The following MTM1 variants were observed in gnomAD, a reference collection of about 807,000 sequenced individuals.
MTM1 encodes myotubularin 1, also known as myotubularin.
MTM1 carries 9 observed loss-of-function variants against 52.1 expected under a neutral mutation model. The observed-to-expected ratio is 0.17, with a 90% CI of 0.10 to 0.30. The LOEUF (loss-of-function observed/expected upper bound fraction) is 0.30, where lower values mean the gene tolerates loss of function less well. Ranked by LOEUF, MTM1 falls within the 10% of genes least tolerant of loss-of-function variation. The pLI is 1.00. For synonymous variants in MTM1, 136 were observed against 163.8 expected, an observed-to-expected ratio of 0.83 and a Z score of 1.29; for missense variants, 277 against 470.7, an observed-to-expected ratio of 0.59 and a Z score of 3.81.
chrX:150,609,679 C>A (rs1230375191), intron 4 of MTM1, among the ~76,000 whole-genome samples: 1 of 111,515 alleles, frequency 9.0e-6, no homozygotes, highest in Non-Finnish European at 1.9e-5. Flanking sequence ...GGTGGTACCA[C>A]CACTATTTAT....
intron 13 of MTM1, among the ~76,000 whole-genome samples, chrX:150,661,658 G>A (rs2040223582): frequency 9.0e-6 from 1 of 111,653 alleles, no homozygotes; most frequent in Admixed American, 9.5e-5. Context: ...AGGACATTAT[G>A]CTAAGCGAAA....
At chrX:150,625,275 G>A (rs1287755355) in intron 6 of MTM1, among the ~76,000 whole-genome samples, 5 of 111,887 alleles carry the variant, frequency 4.5e-5, no homozygotes, top group African/African-American at 1.3e-4. Flanking sequence ...AAGTGCTTAC[G>A]ACGCTGCCTG....
At chrX:150,634,652 A>T (rs1557413659) in intron 6 of MTM1, among the ~76,000 whole-genome samples, 2 of 111,370 alleles carry the variant, frequency 1.8e-5, no homozygotes, top group Non-Finnish European at 3.8e-5. Flanking sequence ...ACTAGTACGG[A>T]TCTAGTGAAT....
chrX:150,647,944 CT>C (rs1476531083), intron 9 of MTM1, among the ~76,000 whole-genome samples: 4 of 111,720 alleles, frequency 3.6e-5, no homozygotes, highest in African/African-American at 1.3e-4. Flanking sequence ...TATATTTTTC[CT>C]TTTATTTTTT....
intron 1 of MTM1, among the ~76,000 whole-genome samples, chrX:150,583,347 AATT>A (rs2038647336): frequency 2.2e-5 from 1 of 46,041 alleles, no homozygotes; most frequent in Non-Finnish European, 3.4e-5. Flanking sequence ...TATTATATAT[AATT>A]ATAAATATAT....
chrX:150,583,397 A>AT (rs2038655889), intron 1 of MTM1, among the ~76,000 whole-genome samples: 1 of 33,796 alleles, frequency 3.0e-5, no homozygotes, highest in African/African-American at 1.2e-4. Context: ...TAATATATAT[A>AT]AATTATATAT....
chrX:150,621,908 CT>C (rs1195900319), intron 6 of MTM1, among the ~76,000 whole-genome samples: 1 of 111,951 alleles, frequency 8.9e-6, no homozygotes, highest in Non-Finnish European at 1.9e-5. Flanking sequence ...ATTTCTCTCT[CT>C]ACTGTCAGCA....
intron 1 of MTM1, 75 bp from the exon 2 acceptor site, chrX:150,592,530 T>A (rs975014811): frequency 1.4e-5 from 11 of 783,714 alleles, no homozygotes; most frequent in Non-Finnish European, 2.2e-5. Context: ...GTTGCCATAT[T>A]TAAGTCTCAG....
chrX:150,591,152 C>A, intron 1 of MTM1: 1 of 310,353 alleles, frequency 3.2e-6, no homozygotes, highest in Non-Finnish European at 4.3e-6. Flanking sequence ...ATTGTGCTAC[C>A]TGTAGGTAGT....
intron 4 of MTM1, among the ~76,000 whole-genome samples, chrX:150,602,393 C>T (rs1557412758): frequency 8.9e-6 from 1 of 112,207 alleles, no homozygotes; most frequent in Admixed American, 9.4e-5. Flanking sequence ...GTGGTCTTAT[C>T]AAATGCTGAG....
At chrX:150,585,115 G>A (rs1013333344) in intron 1 of MTM1, among the ~76,000 whole-genome samples, 1 of 110,080 alleles carries the variant, frequency 9.1e-6, no homozygotes, top group Non-Finnish European at 1.9e-5. Flanking sequence ...ATGTGTGTGT[G>A]GGGGGAGGTC....
At chrX:150,620,835 C>T (rs1431151324) in intron 6 of MTM1, among the ~76,000 whole-genome samples, 1 of 111,365 alleles carries the variant, frequency 9.0e-6, no homozygotes, top group Non-Finnish European at 1.9e-5. Context: ...ATCATGAGCT[C>T]ATCTGGCGCA....
intron 13 of MTM1, among the ~76,000 whole-genome samples, chrX:150,662,953 G>A (rs2040248296): frequency 8.9e-6 from 1 of 112,075 alleles, no homozygotes; most frequent in Admixed American, 9.4e-5. Flanking sequence ...ACATGATGTA[G>A]ATTAAACATC....
chrX:150,663,682 T>C (rs2040261412), intron 14 of MTM1, 73 bp downstream of exon 14: 1 of 968,683 alleles, frequency 1.0e-6, no homozygotes, highest in African/African-American at 1.9e-5. Flanking sequence ...TGGTATGGAT[T>C]TTTTTTAACA....
Position 150,649,862 on chromosome X carries a change from G to T in MTM1, c.1014G>T (p.Leu338Phe). 8.3e-7 allele frequency: 1 copy of T among 1,209,158 alleles called. No individual in the cohort carries two copies. Reference sequence around the variant, plus strand: ...CTAATGTAGAAGAATCTCATTGGTTGTCCAGTTTGGAGTCTACTCATTGGT... The same window carrying T: ...CTAATGTAGAAGAATCTCATTGGTTTTCCAGTTTGGAGTCTACTCATTGGT... The part of the protein sequence containing the change: ...VYPNVEESHW[L>F]SSLESTHWLE... The change falls in exon 10 of 15, where the codon TTG becomes TTT. Residue 338 changes from leucine (L) to phenylalanine (F), a missense_variant. Transcript: ENST00000370396.
At chrX:150,663,660 GATA>G (rs1557414817) in intron 14 of MTM1, 51 bp downstream of exon 14, 3 of 1,093,290 alleles carry the variant, frequency 2.7e-6, no homozygotes, top group Non-Finnish European at 3.8e-6. Context: ...GCTTGCCTTA[GATA>G]ATGTTATTTG....
intron 1 of MTM1, among the ~76,000 whole-genome samples, chrX:150,574,325 C>T (rs782352750): frequency 4.5e-4 from 50 of 111,300 alleles, no homozygotes; most frequent in South Asian, 1.6e-3. Context: ...GCTGGTGAAA[C>T]AGGCAGAATT....
chrX:150,565,448 A>G (rs1449428640), upstream of MTM1, among the ~76,000 whole-genome samples: 1 of 111,844 alleles, frequency 8.9e-6, no homozygotes, highest in Non-Finnish European at 1.9e-5. Flanking sequence ...CTCTTTCCTC[A>G]GTAAGAATGC....
At chrX:150,572,674 A>G (rs2038399672) in intron 1 of MTM1, among the ~76,000 whole-genome samples, 1 of 112,122 alleles carries the variant, frequency 8.9e-6, no homozygotes, top group South Asian at 3.7e-4. Flanking sequence ...CTCTTTTCCA[A>G]TCGAGACCTG....
Sources: allele counts gnomAD v4.1 joint callset (sites outside exome capture counted in the v4.1 genomes callset), GRCh38; gene constraint gnomAD v4.1.1; transcripts MANE v1.5; gene names NCBI Gene and HGNC (gene_info 2026-07-23, HGNC 2026-07-21).